TMEM135: variants seen among roughly 807,000 people sequenced by gnomAD.
The protein encoded by TMEM135 is transmembrane protein 135, also known as peroxisomal membrane protein 52.
In TMEM135, 30 loss-of-function variants were observed where a neutral mutation model predicts 60.3. The ratio of observed to expected loss-of-function variants is 0.50; its 90% CI spans 0.37 to 0.68. The LOEUF (loss-of-function observed/expected upper bound fraction) is 0.68, where lower values mean the gene tolerates loss of function less well. Among genes scored for constraint, TMEM135 ranks in the 30% least tolerant of loss-of-function variants. The pLI, the probability that TMEM135 is intolerant of heterozygous loss-of-function variation, is 0.00. For synonymous variants in TMEM135, 190 were observed against 186.7 expected (o/e 1.02, Z -0.14); for missense variants, 468 against 548.8 (o/e 0.85, Z 1.47).
chr11:87,047,318 A>G (rs1020095272), intron 1 of TMEM135, among the ~76,000 whole-genome samples: 1 of 152,178 alleles, frequency 6.6e-6, no homozygotes, highest in African/African-American at 2.4e-5. Flanking sequence ...AGGAGCCAAG[A>G]TGGCCGAATA....
chr11:87,298,408 C>T (rs1424458888), intron 7 of TMEM135, among the ~76,000 whole-genome samples: 1 of 152,096 alleles, frequency 6.6e-6, no homozygotes, highest in Non-Finnish European at 1.5e-5. Context: ...GGAAAACTGT[C>T]CTTTATCCAT....
At chr11:87,297,135 T>C (rs1037301960) in intron 7 of TMEM135, among the ~76,000 whole-genome samples, 7 of 152,234 alleles carry the variant, frequency 4.6e-5, no homozygotes, top group African/African-American at 1.4e-4. Context: ...ATTTGGGTGA[T>C]AGTGGGAGGA....
chr11:87,167,969 T>G (rs511755), intron 5 of TMEM135, among the ~76,000 whole-genome samples: 2 of 151,898 alleles, frequency 1.3e-5, no homozygotes, highest in African/African-American at 2.4e-5. Flanking sequence ...GGCTATTAAT[T>G]ACTGCCTCAA....
chr11:87,325,991 A>G lies in TMEM135; in HGVS notation c.*4658A>G. Reference sequence around the variant, plus strand: ...TGAAAATCCCAGTATATTACCACAGACACACATACCATCTGGTCACCAACA... The same window carrying G: ...TGAAAATCCCAGTATATTACCACAGGCACACATACCATCTGGTCACCAACA... On this transcript the variant is annotated 3_prime_UTR_variant, in exon 15 of 15. Transcript: ENST00000305494. The G allele has an allele frequency of 2.2e-6, 1 of 454,012 alleles. No homozygotes were observed. Among genetic ancestry groups the G allele is most frequent in the South Asian group, 1.6e-5 (1 of 64,460 alleles). 28.1% of individuals were successfully genotyped at this position (454,012 alleles called of 1,614,324 possible).
chr11:87,228,255 T>A (rs897057381), intron 5 of TMEM135, among the ~76,000 whole-genome samples: 7 of 152,152 alleles, frequency 4.6e-5, no homozygotes, highest in Non-Finnish European at 1.0e-4. Flanking sequence ...AGATATGGAA[T>A]AAATAAATGA....
intron 4 of TMEM135, among the ~76,000 whole-genome samples, chr11:87,123,641 G>T (rs1055139193): frequency 2.0e-5 from 3 of 152,130 alleles, no homozygotes; most frequent in Non-Finnish European, 4.4e-5. Flanking sequence ...TTGTTATTTT[G>T]TGGGCCATAC....
rs1168101300 is a variant in TMEM135 at position 87,291,588 on chromosome 11, A to G, written c.510-4194A>G. Among the ~76,000 whole-genome samples the G allele has an allele frequency of 8.5e-5, 10 of 118,084 alleles. No individual in the cohort carries two copies. In the Admixed American group the frequency reaches 1.2e-3, roughly 14 times the overall value. The allele number at this position is 118,084 out of a possible 152,430, so 77.5% of individuals were successfully genotyped here. The stretch of plus-strand genomic sequence containing the variant: ...ACTCTGTCACCCAGGCTGGAGTGCA[A>G]TGGTGTGATCTTGGCTCATTGCCAA... On this transcript the variant is annotated intron_variant, in intron 6 of 14. Coordinates refer to ENST00000305494, the MANE Select transcript of TMEM135 (RefSeq NM_022918.4).
intron 5 of TMEM135, among the ~76,000 whole-genome samples, chr11:87,187,028 G>A (rs1939671237): frequency 6.6e-6 from 1 of 152,164 alleles, no homozygotes; most frequent in Admixed American, 6.5e-5. Context: ...TAACATAATA[G>A]TTTGACCAAA....
At chr11:87,264,039 A>G (rs1248340458) in intron 6 of TMEM135, among the ~76,000 whole-genome samples, 2 of 152,002 alleles carry the variant, frequency 1.3e-5, no homozygotes, top group East Asian at 3.8e-4. Flanking sequence ...TATATTTTGG[A>G]TTTTACATAT....
chr11:87,246,502 A>G lies in TMEM135; in HGVS notation c.509+9818A>G, dbSNP rs549449960. ...TTTCAGGTACACCAGTCAGACGTAG[A>G]TTTGGTGTTTTCACATAGTCCCATA... On this transcript the variant is annotated intron_variant, in intron 6 of 14. Transcript: ENST00000305494. Among the ~76,000 whole-genome samples, 5 of 152,240 alleles carry G rather than the reference A, an allele frequency of 3.3e-5. No individual in the cohort carries two copies. The South Asian group carries it at 1.0e-3, about 32-fold the overall frequency.
At chr11:87,241,124 T>C (rs919420658) in intron 6 of TMEM135, among the ~76,000 whole-genome samples, 2 of 152,118 alleles carry the variant, frequency 1.3e-5, no homozygotes, top group Non-Finnish European at 2.9e-5. Context: ...AAGGTGTAGA[T>C]TTAGTTTATC....
At chr11:87,308,503 A>AT (rs997093764) in intron 9 of TMEM135, among the ~76,000 whole-genome samples, 10 of 151,434 alleles carry the variant, frequency 6.6e-5, no homozygotes, top group East Asian at 1.9e-4. Flanking sequence ...ATAGTAATTA[A>AT]TTTTTTTTTC....
intron 6 of TMEM135, among the ~76,000 whole-genome samples, chr11:87,293,676 C>A (rs1158874736): frequency 6.6e-6 from 1 of 152,190 alleles, no homozygotes; most frequent in Non-Finnish European, 1.5e-5. Flanking sequence ...CATGTCCCTG[C>A]AAAGGACATG....
rs1368468271 is a variant in TMEM135, at chr11:87,327,996, TCTC to T, written c.*6667_*6669del. On this transcript the variant is annotated 3_prime_UTR_variant, in exon 15 of 15. Transcript: ENST00000305494. ...TAGTCCACGCTAACTCACATGCCAA[TCTC>T]CTCTGGAAACACCCTCACAGACACA... 8.8e-6 allele frequency: 4 copies of T among 453,856 alleles called. No homozygotes were observed. Among genetic ancestry groups the T allele is most frequent in the Non-Finnish European group, 1.8e-5 (4 of 226,762 alleles). 28.1% of individuals were successfully genotyped at this position (453,856 alleles called of 1,614,324 possible).
intron 6 of TMEM135, among the ~76,000 whole-genome samples, chr11:87,275,966 G>A (rs1312551484): frequency 2.0e-5 from 3 of 152,086 alleles, no homozygotes; most frequent in Non-Finnish European, 1.5e-5. Context: ...CTGGCCGCTA[G>A]TGTGGATTTT....
intron 1 of TMEM135, among the ~76,000 whole-genome samples, chr11:87,039,396 A>G (rs1255167434): frequency 2.1e-4 from 32 of 152,140 alleles, no homozygotes. Flanking sequence ...CTGCTTTCCT[A>G]ACAAACTCGT....
intron 6 of TMEM135, among the ~76,000 whole-genome samples, chr11:87,249,458 T>C (rs982630346): frequency 2.6e-5 from 4 of 152,162 alleles, no homozygotes; most frequent in Non-Finnish European, 4.4e-5. Context: ...TTTGTGTGTA[T>C]TTCATTTATT....
At chr11:87,296,986 T>G (rs6592355) in intron 7 of TMEM135, among the ~76,000 whole-genome samples, 95,857 of 151,904 alleles carry the variant, frequency 0.63, 30,514 homozygotes, top group Non-Finnish European at 0.67. Context: ...AACTTGGATT[T>G]GATAAGGTCA....
At chr11:87,304,414 T>A (rs147466293) in intron 8 of TMEM135, among the ~76,000 whole-genome samples, 1 of 150,056 alleles carries the variant, frequency 6.7e-6, no homozygotes, top group East Asian at 1.9e-4. Context: ...CAAATTTCAG[T>A]GTAGTTCTGG....
Sources: allele counts gnomAD v4.1 joint callset (sites outside exome capture counted in the v4.1 genomes callset), GRCh38; gene constraint gnomAD v4.1.1; transcripts MANE v1.5; gene names NCBI Gene and HGNC (gene_info 2026-07-23, HGNC 2026-07-21).